Variants in LYPLAL1 observed in about 807,000 individuals in gnomAD.
LYPLAL1 encodes lysophospholipase-like protein 1.
LYPLAL1 carries 23 observed loss-of-function variants against 19.7 expected under a neutral mutation model. That is an observed-to-expected ratio of 1.17 (90% CI 0.84 to 1.65). LYPLAL1 has a LOEUF of 1.65. LYPLAL1 is among the 40% of genes most tolerant of loss of function. LYPLAL1 has a pLI of 0.00. For missense variants in LYPLAL1, 355 were observed against 279.4 expected (o/e 1.27, Z -1.93); for synonymous variants, 119 against 96.3 (o/e 1.24, Z -1.38).
the LYPLAL1 span, among the ~76,000 whole-genome samples, chr1:219,405,122 G>T: frequency 2.5e-4 from 38 of 152,166 alleles, no homozygotes; most frequent in Non-Finnish European, 4.9e-4. Context: ...AAGAGGATTT[G>T]CATGCCATAG....
chr1:219,219,159 A>G, the LYPLAL1 span, among the ~76,000 whole-genome samples: 1 of 152,152 alleles, frequency 6.6e-6, no homozygotes, highest in Non-Finnish European at 1.5e-5. Context: ...ATCATTAATC[A>G]TTTTAGCTAA....
chr1:219,224,778 T>A, the LYPLAL1 span, among the ~76,000 whole-genome samples: 2 of 152,186 alleles, frequency 1.3e-5, no homozygotes, highest in African/African-American at 4.8e-5. Context: ...TCTGCCTCAG[T>A]GTGATAGCAG....
the LYPLAL1 span, among the ~76,000 whole-genome samples, chr1:219,306,849 T>TAGATAGACAGACAGACAGACAGAC: frequency 3.7e-5 from 5 of 135,302 alleles, no homozygotes; most frequent in Admixed American, 1.6e-4. Context: ...GATAGATAGA[T>TAGATAGACAGACAGACAGACAGAC]AGACAGACAG....
chr1:219,223,457 T>C, the LYPLAL1 span, among the ~76,000 whole-genome samples: 1 of 152,218 alleles, frequency 6.6e-6, no homozygotes, highest in Admixed American at 6.5e-5. Context: ...TGAAATTATA[T>C]TCAAAATATT....
the LYPLAL1 span, among the ~76,000 whole-genome samples, chr1:219,375,093 T>C: frequency 6.6e-6 from 1 of 152,232 alleles, no homozygotes; most frequent in Non-Finnish European, 1.5e-5. Flanking sequence ...GCCAGCCTAA[T>C]AGCTGTTGTC....
the LYPLAL1 span, among the ~76,000 whole-genome samples, chr1:219,283,385 C>T: frequency 2.0e-5 from 3 of 152,106 alleles, no homozygotes; most frequent in African/African-American, 7.2e-5. Flanking sequence ...GAAGAAATAG[C>T]AGTGCATGCA....
the LYPLAL1 span, among the ~76,000 whole-genome samples, chr1:219,305,499 A>G: frequency 1.3e-5 from 2 of 152,316 alleles, no homozygotes; most frequent in Middle Eastern, 3.4e-3. Context: ...GGGTCACAAA[A>G]TTGGATGATA....
the LYPLAL1 span, among the ~76,000 whole-genome samples, chr1:219,321,140 G>C: frequency 3.3e-5 from 5 of 152,274 alleles, no homozygotes; most frequent in East Asian, 1.9e-4. Context: ...ACTCTAACTG[G>C]TGTGAGATGG....
the LYPLAL1 span, among the ~76,000 whole-genome samples, chr1:219,237,229 A>G: frequency 6.6e-6 from 1 of 152,246 alleles, no homozygotes; most frequent in Admixed American, 6.5e-5. Flanking sequence ...CGTCAGCAGA[A>G]TAAAATACAT....
At chr1:219,300,530 CTTTTTTTTT>C in the LYPLAL1 span, among the ~76,000 whole-genome samples, 4 of 82,008 alleles carry the variant, frequency 4.9e-5, no homozygotes, top group East Asian at 3.5e-4. Context: ...TTTATCCTAA[CTTTTTTTTT>C]TTTTTTTTTT....
the LYPLAL1 span, among the ~76,000 whole-genome samples, chr1:219,293,400 T>A: frequency 5.3e-5 from 8 of 152,196 alleles, no homozygotes; most frequent in African/African-American, 1.7e-4. Context: ...AAATTTATAA[T>A]TTTAGTTTTT....
the LYPLAL1 span, among the ~76,000 whole-genome samples, chr1:219,320,014 A>AT: frequency 6.6e-6 from 1 of 152,244 alleles, no homozygotes; most frequent in African/African-American, 2.4e-5. Flanking sequence ...TACATAAAAT[A>AT]TTGGTAAAGG....
the LYPLAL1 span, among the ~76,000 whole-genome samples, chr1:219,369,834 G>T: frequency 6.6e-6 from 1 of 152,186 alleles, no homozygotes; most frequent in Non-Finnish European, 1.5e-5. Context: ...TTAGAACTGA[G>T]GTCATTTTAA....
At chr1:219,418,926 C>CTT in the LYPLAL1 span, among the ~76,000 whole-genome samples, 1 of 152,156 alleles carries the variant, frequency 6.6e-6, no homozygotes, top group Non-Finnish European at 1.5e-5. Context: ...AAATTGGCTT[C>CTT]TTTTATTCAG....
chr1:219,352,272 T>C, the LYPLAL1 span, among the ~76,000 whole-genome samples: 1 of 152,186 alleles, frequency 6.6e-6, no homozygotes, highest in Admixed American at 6.5e-5. Flanking sequence ...GGCTCACGCC[T>C]GTAATCCCAG....
At chr1:219,379,284 A>G in the LYPLAL1 span, among the ~76,000 whole-genome samples, 5 of 152,324 alleles carry the variant, frequency 3.3e-5, no homozygotes, top group African/African-American at 1.2e-4. Flanking sequence ...GGCATAACCC[A>G]AGAATAATCT....
chr1:219,268,331 G>A, the LYPLAL1 span, among the ~76,000 whole-genome samples: 2 of 152,184 alleles, frequency 1.3e-5, no homozygotes, highest in South Asian at 2.1e-4. Context: ...TAAAGAAGGC[G>A]AGGAATGTGC....
the LYPLAL1 span, chr1:219,411,753 G>A: frequency 0.19 from 29,863 of 157,976 alleles, 3,416 homozygotes; most frequent in Middle Eastern, 0.34. Context: ...GAGCCAGCGA[G>A]ACCACGAACC....
the LYPLAL1 span, among the ~76,000 whole-genome samples, chr1:219,342,395 TAATAC>T: frequency 6.6e-6 from 1 of 152,144 alleles, no homozygotes; most frequent in Non-Finnish European, 1.5e-5. Context: ...TTCTCTCTTT[TAATAC>T]AACCCACTAC....
Sources: allele counts gnomAD v4.1 joint callset (sites outside exome capture counted in the v4.1 genomes callset), GRCh38; gene constraint gnomAD v4.1.1; transcripts MANE v1.5; gene names NCBI Gene and HGNC (gene_info 2026-07-23, HGNC 2026-07-21).